Variants in POLR3E observed in about 807,000 individuals in gnomAD.
POLR3E encodes DNA-directed RNA polymerase III subunit RPC5.
A neutral mutation model predicts 96.6 loss-of-function variants in POLR3E; 41 were observed. The ratio of observed to expected loss-of-function variants is 0.42; its 90% CI spans 0.33 to 0.55. The LOEUF (loss-of-function observed/expected upper bound fraction) is 0.55. POLR3E is among the 20% of genes least tolerant of loss of function. The probability of loss-of-function intolerance (pLI) is 0.06; values close to 1 mark genes in which losing one functional copy is unlikely to be tolerated. For synonymous variants in POLR3E, 396 were observed against 383.6 expected, an observed-to-expected ratio of 1.03 and a Z score of -0.38; for missense variants, 849 against 952.1, an observed-to-expected ratio of 0.89 and a Z score of 1.43.
chr16:22,324,457 G>C (rs1021446391), intron 15 of POLR3E, 44 bp downstream of exon 15: 1 of 1,610,360 alleles, frequency 6.2e-7, no homozygotes, highest in Non-Finnish European at 8.5e-7. Flanking sequence ...TGCTGCTGGA[G>C]GGGAGGGGGC....
chr16:22,314,241 T>G, intron 8 of POLR3E, 113 bp downstream of exon 8: 1 of 805,818 alleles, frequency 1.2e-6, no homozygotes, highest in Non-Finnish European at 2.1e-6. Context: ...GCCCATGCTT[T>G]TGAGCCTTCT....
intron 18 of POLR3E, chr16:22,326,773 T>C (rs1297479517): frequency 5.5e-6 from 1 of 180,740 alleles, no homozygotes; most frequent in Non-Finnish European, 1.2e-5. Flanking sequence ...GCCTGGAGTT[T>C]TGAATCCTTT....
rs180929313 is a variant in POLR3E, at chr16:22,321,643, G to A, written c.987-1207G>A. Among the ~76,000 whole-genome samples the A allele has an allele frequency of 2.9e-4, 44 of 152,350 alleles. No individual in the cohort carries two copies. The East Asian group carries it at 3.7e-3, about 13-fold the overall frequency. ...CATGGGACTTGCCAAAAGTCTTGCA[G>A]CAAGGCAGCCGCAGAGCCCTGTTAA... On this transcript the variant is annotated intron_variant, in intron 13 of 20. Transcript: ENST00000299853.
chr16:22,315,505 C>T (rs1428541006), intron 9 of POLR3E, among the ~76,000 whole-genome samples: 1 of 152,182 alleles, frequency 6.6e-6, no homozygotes, highest in Non-Finnish European at 1.5e-5. Context: ...ATTTTCGCTG[C>T]AGCCCAGGCC....
rs145375611 is a variant in POLR3E, at chr16:22,334,589, G to A, written c.*889G>A. On this transcript the variant is annotated 3_prime_UTR_variant, in exon 21 of 21. Coordinates refer to ENST00000299853, the MANE Select transcript of POLR3E (RefSeq NM_018119.4). ...GCGAGTCACGTACATAATTTTGAAA[G>A]TTTCTAGCAACCACATTAGTTTAAA... The A allele has an allele frequency of 9.8e-5, 15 of 152,312 alleles. No homozygotes were observed. The East Asian group carries it at 1.3e-3, about 14-fold the overall frequency. The allele number at this position is 152,312 out of a possible 1,614,324, so 9.4% of individuals were successfully genotyped here.
At chr16:22,297,692 C>A (rs898064808) in intron 1 of POLR3E, among the ~76,000 whole-genome samples, 155 bp downstream of exon 1, 4 of 152,250 alleles carry the variant, frequency 2.6e-5, no homozygotes. Flanking sequence ...GGAGGAGGGG[C>A]AGCCGGCTCC....
chr16:22,319,008 CTT>C (rs768749222), intron 13 of POLR3E, 62 bp downstream of exon 13: 133 of 1,295,598 alleles, frequency 1.0e-4, no homozygotes, highest in Non-Finnish European at 1.3e-4. Flanking sequence ...GAGCTTCACT[CTT>C]GTTGCCCAGG....
chr16:22,321,592 C>T (rs2048472665), intron 13 of POLR3E, among the ~76,000 whole-genome samples: 1 of 152,248 alleles, frequency 6.6e-6, no homozygotes, highest in South Asian at 2.1e-4. Flanking sequence ...TCCCGTCACA[C>T]ACCTGAGGAC....
chr16:22,325,116 G>C, intron 16 of POLR3E, 89 bp from the exon 17 acceptor site: 2 of 1,001,982 alleles, frequency 2.0e-6, no homozygotes, highest in Non-Finnish European at 3.2e-6. Flanking sequence ...TAACCAGCGT[G>C]TCCTGGGGCC....
At chr16:22,311,658 A>C (rs2048249556) in intron 6 of POLR3E, among the ~76,000 whole-genome samples, 1 of 151,318 alleles carries the variant, frequency 6.6e-6, no homozygotes, top group Non-Finnish European at 1.5e-5. Flanking sequence ...CATCTGGCTA[A>C]TTTTTTAAAA....
At chr16:22,330,686 A>C (rs1311535217) in intron 19 of POLR3E, among the ~76,000 whole-genome samples, 1 of 152,186 alleles carries the variant, frequency 6.6e-6, no homozygotes, top group Non-Finnish European at 1.5e-5. Flanking sequence ...CTGAAGAGAC[A>C]GAGGAGTTGT....
chr16:22,329,968 C>T (rs2048701119), intron 19 of POLR3E, among the ~76,000 whole-genome samples: 1 of 152,060 alleles, frequency 6.6e-6, no homozygotes, highest in African/African-American at 2.4e-5. Context: ...AAAAAATCAG[C>T]CTGTCATTAG....
chr16:22,324,444 G>A (rs2048535047), intron 15 of POLR3E, 31 bp downstream of exon 15: 2 of 1,610,982 alleles, frequency 1.2e-6, no homozygotes, highest in Admixed American at 1.7e-5. Context: ...CTGAGGCCCA[G>A]GCTGCTGCTG....
At chr16:22,303,972 G>GCCCA (rs2048083341) in intron 2 of POLR3E, among the ~76,000 whole-genome samples, 1 of 151,772 alleles carries the variant, frequency 6.6e-6, no homozygotes, top group Non-Finnish European at 1.5e-5. Flanking sequence ...CACTACACCT[G>GCCCA]GCTAATTTTT....
In POLR3E at chr16:22,317,110, C is replaced by T. The variant is rs1260253534; in HGVS notation, c.774-5C>T. On this transcript the variant is annotated splice_polypyrimidine_tract_variant and splice_region_variant and intron_variant, in intron 11 of 20. Coordinates refer to ENST00000299853, the MANE Select transcript of POLR3E (RefSeq NM_018119.4). The stretch of plus-strand genomic sequence containing the variant: ...CCTCTAACCCGTCCCCTCTGCTTTT[C>T]CCAGAGACAAGCCTGTGGCCCCCAG... 3 of 1,614,088 alleles carry T rather than the reference C, an allele frequency of 1.9e-6. No individual in the cohort carries two copies. The highest frequency in any genetic ancestry group is 2.5e-6 in the Non-Finnish European group (3 of 1,179,906).
At chr16:22,297,752 G>C (rs2047924695) in intron 1 of POLR3E, among the ~76,000 whole-genome samples, 1 of 152,274 alleles carries the variant, frequency 6.6e-6, no homozygotes, top group African/African-American at 2.4e-5. Flanking sequence ...GGGAGTTGGG[G>C]AGGCCGCGGC....
chr16:22,332,522 T>TA (rs1235543194), intron 20 of POLR3E, among the ~76,000 whole-genome samples: 1 of 151,970 alleles, frequency 6.6e-6, no homozygotes, highest in African/African-American at 2.4e-5. Flanking sequence ...AGACAGAAAC[T>TA]AAAAACCATG....
chr16:22,325,103 C>T (rs2048551415), intron 16 of POLR3E, 102 bp from the exon 17 acceptor site: 1 of 899,752 alleles, frequency 1.1e-6, no homozygotes, highest in Non-Finnish European at 1.9e-6. Context: ...CCTGCGCTGT[C>T]AGTAACCAGC....
intron 19 of POLR3E, among the ~76,000 whole-genome samples, chr16:22,331,203 TC>T (rs2048733083): frequency 6.6e-6 from 1 of 152,064 alleles, no homozygotes; most frequent in African/African-American, 2.4e-5. Flanking sequence ...GGTCTCGAAC[TC>T]CTGACCTCAG....
Sources: allele counts gnomAD v4.1 joint callset (sites outside exome capture counted in the v4.1 genomes callset), GRCh38; gene constraint gnomAD v4.1.1; transcripts MANE v1.5; gene names NCBI Gene and HGNC (gene_info 2026-07-23, HGNC 2026-07-21).